Variants in HLA-DRB5 observed in about 807,000 individuals in gnomAD.
HLA-DRB5 encodes the protein major histocompatibility complex, class II, DR beta 5.
HLA-DRB5 carries 11 observed loss-of-function variants against 22.4 expected under a neutral mutation model. The ratio of observed to expected loss-of-function variants is 0.49; its 90% confidence interval spans 0.31 to 0.81. The LOEUF is 0.81. Among genes scored for constraint, HLA-DRB5 ranks in the 40% least tolerant of loss-of-function variants. The pLI is 0.05. For missense variants in HLA-DRB5, 106 were observed against 274.4 expected (o/e 0.39, Z 4.34); for synonymous variants, 57 against 106.0 (o/e 0.54, Z 2.84).
chr6:32,526,158 A>G (rs117657876), intron 1 of HLA-DRB5, among the ~76,000 whole-genome samples: 2,241 of 75,904 alleles, frequency 0.03, 1 homozygote, highest in East Asian at 0.04. Context: ...AAATGGTCCA[A>G]TCCAGTTTCC....
chr6:32,526,439 A>C, intron 1 of HLA-DRB5, among the ~76,000 whole-genome samples: 4 of 52,100 alleles, frequency 7.7e-5, no homozygotes, highest in Admixed American at 4.6e-4. Context: ...AACCTCTTCC[A>C]CTCCCTGGAA....
At chr6:32,529,329 TC>T (rs63251962) in intron 1 of HLA-DRB5, among the ~76,000 whole-genome samples, 9,485 of 45,318 alleles carry the variant, frequency 0.21, 1,448 homozygotes, top group Middle Eastern at 0.33. Flanking sequence ...TTGAATCTCT[TC>T]CTGTCATGTC....
In HLA-DRB5 at chr6:32,518,472, A is replaced by T. The variant is rs1161265472; in HGVS notation, c.763+84T>A. 6.1e-5 allele frequency: 26 copies of T among 425,020 alleles called. 3 individuals carry two copies. Among genetic ancestry groups the T allele is most frequent in the Non-Finnish European group, 1.0e-4 (26 of 253,332 alleles). The allele number at this position is 425,020 out of a possible 1,614,324, so 26.3% of individuals were successfully genotyped here. Reference sequence around the variant, plus strand: ...AGAAAGGCTTTATCCAGGGCCACTCATATACTGAGAACTAACCTCAGCAAA... The same window carrying T: ...AGAAAGGCTTTATCCAGGGCCACTCTTATACTGAGAACTAACCTCAGCAAA... On this transcript the variant is annotated intron_variant, in intron 4 of 5. Transcript: ENST00000374975.
At chr6:32,518,810 A>C (rs368557919) in intron 3 of HLA-DRB5, 144 bp from the exon 4 acceptor site, 17,377 of 248,096 alleles carry the variant, frequency 0.07, 192 homozygotes, top group East Asian at 0.091. Context: ...GAGAAAAAAA[A>C]GGTTTTCAAA....
chr6:32,524,536 A>G (rs1769353216), intron 1 of HLA-DRB5, among the ~76,000 whole-genome samples: 1 of 78,396 alleles, frequency 1.3e-5, no homozygotes, highest in African/African-American at 5.0e-5. Flanking sequence ...GAAACCAAGA[A>G]AATGACGTTC....
intron 1 of HLA-DRB5, among the ~76,000 whole-genome samples, chr6:32,525,756 TA>T (rs1427130733): frequency 7.0e-6 from 1 of 142,470 alleles, no homozygotes; most frequent in Non-Finnish European, 1.5e-5. Context: ...TGAAATTGCA[TA>T]CTGAAATTCA....
chr6:32,520,442 A>G (rs114356814), intron 2 of HLA-DRB5, among the ~76,000 whole-genome samples: 10,573 of 61,842 alleles, frequency 0.17, 50 homozygotes, highest in Admixed American at 0.22. Flanking sequence ...TGAGTCATAA[A>G]GCAGAGAGAA....
At chr6:32,521,468 CAT>C (rs1440427512) in intron 2 of HLA-DRB5, among the ~76,000 whole-genome samples, 1 of 127,264 alleles carries the variant, frequency 7.9e-6, no homozygotes, top group Non-Finnish European at 1.7e-5. Flanking sequence ...CTGGCCTCCT[CAT>C]ATTATCACAA....
At chr6:32,526,582 T>C (rs113407243) in intron 1 of HLA-DRB5, among the ~76,000 whole-genome samples, 4,716 of 27,802 alleles carry the variant, frequency 0.17, 2,135 homozygotes, top group Middle Eastern at 0.53. Flanking sequence ...TGAAGTGGTG[T>C]GATCTCAGCT....
At chr6:32,520,123 T>G (rs1156415773) in intron 2 of HLA-DRB5, among the ~76,000 whole-genome samples, 1 of 50,988 alleles carries the variant, frequency 2.0e-5, no homozygotes, top group Non-Finnish European at 4.0e-5. Flanking sequence ...AAACAATGAC[T>G]GAAGATAGCC....
chr6:32,522,247 G>A, intron 1 of HLA-DRB5, 73 bp from the exon 2 acceptor site: 1 of 519,998 alleles, frequency 1.9e-6, no homozygotes, highest in Non-Finnish European at 2.8e-6. Context: ...CCGCCATCCG[G>A]GGCTCCCTGG....
chr6:32,524,244 T>A (rs2150565175), intron 1 of HLA-DRB5, among the ~76,000 whole-genome samples: 1 of 139,336 alleles, frequency 7.2e-6, no homozygotes, highest in Non-Finnish European at 1.6e-5. Context: ...GAAAATGAAC[T>A]TGTTGAGAAC....
chr6:32,526,123 T>C (rs1769596472), intron 1 of HLA-DRB5, among the ~76,000 whole-genome samples: 1 of 103,098 alleles, frequency 9.7e-6, no homozygotes, highest in Non-Finnish European at 2.0e-5. Context: ...AACCTTAACC[T>C]TGTCCTCTCT....
intron 1 of HLA-DRB5, among the ~76,000 whole-genome samples, chr6:32,524,658 C>A (rs369018391): frequency 0.063 from 5,664 of 89,284 alleles, 42 homozygotes; most frequent in East Asian, 0.11. Flanking sequence ...CACCCTGGAT[C>A]AAACAATGTC....
At chr6:32,519,013 A>C (rs113548739) in intron 3 of HLA-DRB5, among the ~76,000 whole-genome samples, 2 of 83,630 alleles carry the variant, frequency 2.4e-5, no homozygotes, top group Non-Finnish European at 5.2e-5. Flanking sequence ...AGGCCCCTAC[A>C]CTTCTCCTCT....
intron 1 of HLA-DRB5, among the ~76,000 whole-genome samples, chr6:32,526,956 A>AG (rs1769676157): frequency 1.7e-5 from 1 of 57,798 alleles, no homozygotes; most frequent in Non-Finnish European, 3.4e-5. Context: ...CCCTATCTCA[A>AG]TAAACACCAC....
intron 1 of HLA-DRB5, 150 bp downstream of exon 1, chr6:32,529,975 G>GAGGA: frequency 3.1e-6 from 2 of 652,996 alleles, no homozygotes; most frequent in African/African-American, 2.0e-5. Flanking sequence ...TCCTTTTGTG[G>GAGGA]AGGAAATAAT....
rs113321784 is a variant in HLA-DRB5 at position 32,525,370 on chromosome 6, T to C, written c.101-3196A>G. ...TGATCACATAATAAACACTCAAATG[T>C]ATTCCCATTTTAATTTTTTGATCCC... On this transcript the variant is annotated intron_variant, in intron 1 of 5. Coordinates refer to ENST00000374975, the MANE Select transcript of HLA-DRB5 (RefSeq NM_002125.4). Among the ~76,000 whole-genome samples the C allele has an allele frequency of 9.4e-3, 334 of 35,606 alleles. 38 individuals are homozygous for C. Among genetic ancestry groups the C allele is most frequent in the Middle Eastern group, 0.045 (2 of 44 alleles). The allele number at this position is 35,606 out of a possible 152,430, so 23.4% of individuals were successfully genotyped here. A position where few individuals can be genotyped will look rare whatever the true frequency, so the allele number is the denominator to read the frequency against.
rs1341427764 is a variant in HLA-DRB5 at position 32,528,649 on chromosome 6, T to C, written c.100+1476A>G. On this transcript the variant is annotated intron_variant, in intron 1 of 5. Coordinates refer to ENST00000374975, the MANE Select transcript of HLA-DRB5 (RefSeq NM_002125.4). ...GATTTAAGAAAAAAGAAATTTTTCA[T>C]TGAGATTCATTGCCTGGGCAATGAA... is the stretch of plus-strand genomic sequence containing the variant. Among the ~76,000 whole-genome samples the C allele has an allele frequency of 5.1e-5, 2 of 38,984 alleles. 1 individual carries two copies. The highest frequency in any genetic ancestry group is 1.1e-4 in the Non-Finnish European group (2 of 18,774). 25.6% of individuals were successfully genotyped at this position (38,984 alleles called of 152,430 possible). A position where few individuals can be genotyped will look rare whatever the true frequency, so the allele number is the denominator to read the frequency against.
Sources: allele counts gnomAD v4.1 joint callset (sites outside exome capture counted in the v4.1 genomes callset), GRCh38; gene constraint gnomAD v4.1.1; transcripts MANE v1.5; gene names NCBI Gene and HGNC (gene_info 2026-07-23, HGNC 2026-07-21).